Variants in SUGCT observed in about 807,000 individuals in gnomAD.
SUGCT encodes the protein succinyl-CoA:glutarate CoA-transferase.
SUGCT carries 41 observed loss-of-function variants against 55.0 expected under a neutral mutation model. That is an observed-to-expected ratio of 0.74 (90% CI 0.58 to 0.97). The LOEUF (loss-of-function observed/expected upper bound fraction) is 0.97, where lower values mean the gene tolerates loss of function less well. Ranked by LOEUF, SUGCT falls within the 50% of genes least tolerant of loss-of-function variation. SUGCT has a pLI of 0.00. For missense variants in SUGCT, 568 were observed against 547.8 expected (o/e 1.04, Z -0.37); for synonymous variants, 187 against 200.4 (o/e 0.93, Z 0.56).
the SUGCT span, among the ~76,000 whole-genome samples, chr7:40,887,808 G>A: frequency 6.6e-6 from 1 of 152,186 alleles, no homozygotes; most frequent in East Asian, 1.9e-4. Flanking sequence ...TTGTGTTTGG[G>A]AGGAGAAGGC....
chr7:40,708,724 T>C (rs970496940), intron 12 of SUGCT, among the ~76,000 whole-genome samples: 2 of 152,152 alleles, frequency 1.3e-5, no homozygotes, highest in African/African-American at 4.8e-5. Flanking sequence ...GATATCCTCA[T>C]AGCTTTCCTT....
chr7:40,991,242 G>T, the SUGCT span, among the ~76,000 whole-genome samples: 11 of 152,296 alleles, frequency 7.2e-5, no homozygotes, highest in Non-Finnish European at 1.3e-4. Context: ...AGGAGATGGA[G>T]AAAGATGGAG....
At chr7:40,369,692 A>G (rs1028058928) in intron 9 of SUGCT, among the ~76,000 whole-genome samples, 1 of 152,196 alleles carries the variant, frequency 6.6e-6, no homozygotes, top group Non-Finnish European at 1.5e-5. Flanking sequence ...GATTAATGTC[A>G]GAGATTCCAG....
At chr7:40,349,681 G>GT (rs1252402886) in intron 9 of SUGCT, among the ~76,000 whole-genome samples, 1 of 147,870 alleles carries the variant, frequency 6.8e-6, no homozygotes, top group Admixed American at 6.7e-5. Flanking sequence ...TTCTTATATG[G>GT]TTTTTTTTGG....
At chr7:40,368,174 G>T (rs1784108183) in intron 9 of SUGCT, among the ~76,000 whole-genome samples, 1 of 151,950 alleles carries the variant, frequency 6.6e-6, no homozygotes, top group African/African-American at 2.4e-5. Flanking sequence ...TAACATTTTA[G>T]TCTATACTTT....
intron 9 of SUGCT, among the ~76,000 whole-genome samples, chr7:40,442,070 C>T (rs867473708): frequency 4.6e-5 from 7 of 152,176 alleles, no homozygotes; most frequent in Middle Eastern, 3.4e-3. Context: ...GTGATGTTAT[C>T]TATAGGAGCA....
chr7:40,672,578 A>G (rs1462200871), intron 12 of SUGCT, among the ~76,000 whole-genome samples: 3 of 152,166 alleles, frequency 2.0e-5, no homozygotes, highest in African/African-American at 7.2e-5. Context: ...ACAGAAAGGA[A>G]GTGGATGTGG....
intron 9 of SUGCT, among the ~76,000 whole-genome samples, chr7:40,331,535 G>C (rs972199067): frequency 1.3e-5 from 2 of 152,164 alleles, no homozygotes; most frequent in Non-Finnish European, 2.9e-5. Context: ...CTGGCACATA[G>C]CATATGTTCA....
At chr7:40,921,719 G>A in the SUGCT span, among the ~76,000 whole-genome samples, 1 of 152,252 alleles carries the variant, frequency 6.6e-6, no homozygotes, top group East Asian at 1.9e-4. Flanking sequence ...CAACCCCCGG[G>A]GGTGGTGGCT....
At chr7:40,709,413 G>A (rs760202497) in intron 12 of SUGCT, among the ~76,000 whole-genome samples, 1 of 152,228 alleles carries the variant, frequency 6.6e-6, no homozygotes, top group Non-Finnish European at 1.5e-5. Context: ...AGTGAGGAGA[G>A]CAAGATAGAA....
intron 13 of SUGCT, among the ~76,000 whole-genome samples, chr7:40,754,377 A>G (rs1788155527): frequency 6.6e-6 from 1 of 152,194 alleles, no homozygotes; most frequent in Non-Finnish European, 1.5e-5. Flanking sequence ...GGCACAATGT[A>G]CTAATTTGCT....
At chr7:40,247,120 CA>C (rs1171120497) in intron 7 of SUGCT, among the ~76,000 whole-genome samples, 7 of 152,028 alleles carry the variant, frequency 4.6e-5, no homozygotes, top group African/African-American at 1.7e-4. Flanking sequence ...TATATACCTA[CA>C]AGTGAAAAAC....
chr7:40,428,174 G>A lies in SUGCT; in HGVS notation c.817-21113G>A, dbSNP rs187018293. Reference sequence around the variant, plus strand: ...TTCTGACCTAACATCTATTTTGCCTGATGTAATTATGGCTACCTCTGCCCT... The same window carrying A: ...TTCTGACCTAACATCTATTTTGCCTAATGTAATTATGGCTACCTCTGCCCT... On this transcript the variant is annotated intron_variant, in intron 9 of 13. Coordinates refer to ENST00000335693, the MANE Select transcript of SUGCT (RefSeq NM_001193313.2). 7.7e-4 allele frequency among the ~76,000 whole-genome samples: 118 copies of A among 152,258 alleles called. No homozygotes were observed. In the Middle Eastern group the frequency reaches 0.017, roughly 22 times the overall value.
At chr7:40,545,577 G>A (rs1794943957) in intron 12 of SUGCT, among the ~76,000 whole-genome samples, 1 of 152,146 alleles carries the variant, frequency 6.6e-6, no homozygotes, top group South Asian at 2.1e-4. Flanking sequence ...CATTAACGCT[G>A]TTAGATCCAG....
chr7:40,487,635 C>A (rs1194847594), intron 11 of SUGCT, among the ~76,000 whole-genome samples: 1 of 151,856 alleles, frequency 6.6e-6, no homozygotes. Context: ...TATTGTATTG[C>A]CGTTAATCTC....
At chr7:40,808,049 G>A (rs10276629) in intron 13 of SUGCT, 47,751 of 152,044 alleles carry the variant, frequency 0.31, 7,928 homozygotes, top group South Asian at 0.44. Flanking sequence ...CACCCACATA[G>A]ACACACCGAG....
At chr7:40,272,311 G>A (rs1792119284) in intron 7 of SUGCT, among the ~76,000 whole-genome samples, 1 of 149,224 alleles carries the variant, frequency 6.7e-6, no homozygotes, top group Non-Finnish European at 1.5e-5. Flanking sequence ...CAAGTAGCTG[G>A]TACTAGGGGT....
At chr7:40,766,330 C>A (rs143392353) in intron 13 of SUGCT, among the ~76,000 whole-genome samples, 423 of 152,232 alleles carry the variant, frequency 2.8e-3, no homozygotes, top group African/African-American at 9.7e-3. Context: ...CCCACCTCAG[C>A]CTCCTGAGTA....
chr7:40,701,544 C>T (rs560632168), intron 12 of SUGCT, among the ~76,000 whole-genome samples: 19 of 152,206 alleles, frequency 1.2e-4, no homozygotes, highest in African/African-American at 3.4e-4. Flanking sequence ...ATTTTCCAGG[C>T]GATCCCATGG....
Sources: allele counts gnomAD v4.1 joint callset (sites outside exome capture counted in the v4.1 genomes callset), GRCh38; gene constraint gnomAD v4.1.1; transcripts MANE v1.5; gene names NCBI Gene and HGNC (gene_info 2026-07-23, HGNC 2026-07-21).